MCTP1: variants seen among roughly 807,000 people sequenced by gnomAD.
The protein encoded by MCTP1 is multiple C2 and transmembrane domain containing 1.
In MCTP1, 69 loss-of-function variants were observed where a neutral mutation model predicts 120.6. The observed-to-expected ratio is 0.57, with a 90% CI of 0.47 to 0.70. The LOEUF (loss-of-function observed/expected upper bound fraction) is 0.70, where lower values mean the gene tolerates loss of function less well. Among genes scored for constraint, MCTP1 ranks in the 30% least tolerant of loss-of-function variants. The pLI is 0.00. For missense variants in MCTP1, 1,203 were observed against 1,248.8 expected, an observed-to-expected ratio of 0.96 and a Z score of 0.55; for synonymous variants, 529 against 493.1, an observed-to-expected ratio of 1.07 and a Z score of -0.96.
Position 95,017,403 on chromosome 5 carries a change from T to G in MCTP1, c.802A>C (p.Arg268=), listed in dbSNP as rs2153667672. Residue 268 remains arginine (R), a synonymous_variant, in exon 2 of 23, where the codon AGA becomes CGA. Coordinates refer to ENST00000515393, the MANE Select transcript of MCTP1 (RefSeq NM_024717.7). The part of the protein sequence containing the change: ...PGMYQLDITL[R]RGQSLAARDR... ...CGAGCAGCTAAACTTTGACCCCTTC[T>G]TAATGTAATGTCCAGCTGGTACATT... 6.2e-7 allele frequency: 1 copy of G among 1,610,152 alleles called. No individual in the cohort carries two copies. Among genetic ancestry groups the G allele is most frequent in the Non-Finnish European group, 8.5e-7 (1 of 1,177,506 alleles).
chr5:95,234,624 A>T (rs1218858054), intron 1 of MCTP1, among the ~76,000 whole-genome samples: 2 of 152,204 alleles, frequency 1.3e-5, no homozygotes, highest in African/African-American at 4.8e-5. Context: ...CTGTGATAAC[A>T]TGAATAAACA....
intron 19 of MCTP1, among the ~76,000 whole-genome samples, chr5:94,716,901 A>C (rs1172649779): frequency 6.6e-6 from 1 of 152,186 alleles, no homozygotes; most frequent in South Asian, 2.1e-4. Flanking sequence ...TTTACAAAAG[A>C]GAAATCATGA....
chr5:94,881,454 C>G (rs1331114051), intron 12 of MCTP1, among the ~76,000 whole-genome samples: 1 of 152,148 alleles, frequency 6.6e-6, no homozygotes, highest in African/African-American at 2.4e-5. Context: ...CTTGCTAGCT[C>G]TTATCTACAT....
intron 3 of MCTP1, among the ~76,000 whole-genome samples, chr5:94,950,653 C>G (rs1468784182): frequency 6.6e-6 from 1 of 151,916 alleles, no homozygotes; most frequent in Non-Finnish European, 1.5e-5. Context: ...ACCATTTCTG[C>G]CACAATTTAA....
rs536826464 is a variant in MCTP1 at position 94,893,773 on chromosome 5, A to G, written c.1839+876T>C. 8.5e-5 allele frequency among the ~76,000 whole-genome samples: 13 copies of G among 152,324 alleles called. No homozygotes were observed. In the South Asian group the frequency reaches 2.5e-3, roughly 29 times the overall value. On this transcript the variant is annotated intron_variant, in intron 11 of 22. Transcript: ENST00000515393. ...GGAATATTTTAAAGTCTAAAAAAAA[A>G]GTGGTTCTTTGTTAGAGCTTGGTTT... is the stretch of plus-strand genomic sequence containing the variant.
At chr5:94,735,510 C>T (rs930974500) in intron 19 of MCTP1, among the ~76,000 whole-genome samples, 2 of 152,028 alleles carry the variant, frequency 1.3e-5, no homozygotes, top group Non-Finnish European at 2.9e-5. Context: ...CTTCCAGGCT[C>T]AAGAGATCTC....
chr5:94,761,189 G>A (rs901865386), intron 19 of MCTP1, among the ~76,000 whole-genome samples: 1 of 152,178 alleles, frequency 6.6e-6, no homozygotes, highest in Non-Finnish European at 1.5e-5. Context: ...AGTCCCAGTA[G>A]GCAAAGTCTG....
intron 1 of MCTP1, among the ~76,000 whole-genome samples, chr5:95,060,280 A>C (rs1441015951): frequency 6.6e-6 from 1 of 152,116 alleles, no homozygotes; most frequent in Admixed American, 6.5e-5. Flanking sequence ...GAAAGGAAGC[A>C]CCTGGCTCTG....
intron 1 of MCTP1, among the ~76,000 whole-genome samples, chr5:95,216,795 C>T (rs1753093756): frequency 6.6e-6 from 1 of 152,190 alleles, no homozygotes; most frequent in South Asian, 2.1e-4. Context: ...ATTTTCTCTT[C>T]AATCTAAACT....
intron 1 of MCTP1, among the ~76,000 whole-genome samples, chr5:95,125,241 GT>G (rs980334201): frequency 6.6e-6 from 1 of 152,218 alleles, no homozygotes; most frequent in African/African-American, 2.4e-5. Context: ...CATTTTTAGG[GT>G]GCTTAAATGA....
chr5:94,826,440 T>C lies in MCTP1; in HGVS notation c.2437-27308A>G, dbSNP rs1015902833. Reference sequence around the variant, plus strand: ...TCCTGATGACAAATGCCAATTTGGGTTCTTCAGGAACACAGAAGTGGCCAG... The same window carrying C: ...TCCTGATGACAAATGCCAATTTGGGCTCTTCAGGAACACAGAAGTGGCCAG... On this transcript the variant is annotated intron_variant, in intron 17 of 22. Transcript: ENST00000515393. 4.5e-6 allele frequency: 3 copies of C among 672,930 alleles called. No homozygotes were observed. In the African/African-American group the frequency reaches 5.3e-5, roughly 12 times the overall value. The allele number at this position is 672,930 out of a possible 1,614,324, so 41.7% of individuals were successfully genotyped here.
At chr5:94,849,103 T>C (rs1330068426) in intron 17 of MCTP1, among the ~76,000 whole-genome samples, 1 of 152,074 alleles carries the variant, frequency 6.6e-6, no homozygotes, top group African/African-American at 2.4e-5. Flanking sequence ...GTGGGTTCTT[T>C]GGTAGCAAAC....
chr5:94,777,927 C>CGTGTGTGTGTGTGTGTGTGTGT (rs71615135), intron 19 of MCTP1, among the ~76,000 whole-genome samples: 5 of 148,848 alleles, frequency 3.4e-5, no homozygotes, highest in African/African-American at 1.0e-4. Flanking sequence ...AGAAAGTGTG[C>CGTGTGTGTGTGTGTGTGTGTGT]GTGTGTGTGT....
chr5:95,217,245 T>C (rs1753140061), intron 1 of MCTP1, among the ~76,000 whole-genome samples: 1 of 152,216 alleles, frequency 6.6e-6, no homozygotes, highest in African/African-American at 2.4e-5. Context: ...ACATTAACAT[T>C]ACCTTTTAAA....
intron 1 of MCTP1, among the ~76,000 whole-genome samples, chr5:95,237,093 T>C (rs1376180860): frequency 1.3e-5 from 2 of 152,174 alleles, no homozygotes; most frequent in Non-Finnish European, 2.9e-5. Flanking sequence ...CCAGTCCCTC[T>C]TTTCAGCCTA....
At chr5:95,108,602 T>G (rs980593327) in intron 1 of MCTP1, among the ~76,000 whole-genome samples, 9 of 152,220 alleles carry the variant, frequency 5.9e-5, no homozygotes, top group African/African-American at 2.2e-4. Flanking sequence ...TCAAATCAAC[T>G]TCATAACATT....
chr5:94,718,762 C>T (rs1340850756), intron 19 of MCTP1, among the ~76,000 whole-genome samples: 1 of 152,146 alleles, frequency 6.6e-6, no homozygotes, highest in African/African-American at 2.4e-5. Flanking sequence ...TCTTATTGCC[C>T]AGGCTGCAGC....
At chr5:95,198,668 C>T (rs1288334358) in intron 1 of MCTP1, among the ~76,000 whole-genome samples, 1 of 152,090 alleles carries the variant, frequency 6.6e-6, no homozygotes, top group Admixed American at 6.5e-5. Context: ...GAAAGACCAA[C>T]GTTGAGCATT....
chr5:94,921,786 C>A (rs1343447071), intron 7 of MCTP1, among the ~76,000 whole-genome samples: 1 of 152,150 alleles, frequency 6.6e-6, no homozygotes, highest in African/African-American at 2.4e-5. Context: ...CACATCCATC[C>A]ATTGGTGGCT....
Sources: gnomAD v4.1 joint callset for allele counts (sites outside exome capture counted in the v4.1 genomes callset) on GRCh38, gnomAD v4.1.1 for gene constraint, MANE v1.5 for transcripts, NCBI Gene and HGNC (gene_info 2026-07-23, HGNC 2026-07-21) for gene names.